Variants in RPRD2 observed in about 807,000 individuals in gnomAD.
RPRD2 encodes the protein regulation of nuclear pre-mRNA domain containing 2.
RPRD2 carries 12 observed loss-of-function variants against 104.4 expected under a neutral mutation model. That is an observed-to-expected ratio of 0.11 (90% confidence interval 0.07 to 0.19). The LOEUF (loss-of-function observed/expected upper bound fraction) is 0.19, where lower values mean the gene tolerates loss of function less well. RPRD2 is among the 10% of genes least tolerant of loss of function. The pLI, the probability that RPRD2 is intolerant of heterozygous loss-of-function variation, is 1.00. For missense variants in RPRD2, 1,543 were observed against 1,790.1 expected (o/e 0.86, Z 2.49); for synonymous variants, 714 against 684.9 (o/e 1.04, Z -0.66).
At chr1:150,398,036 G>A (rs1553884540) in intron 1 of RPRD2, among the ~76,000 whole-genome samples, 1 of 151,956 alleles carries the variant, frequency 6.6e-6, no homozygotes, top group Admixed American at 6.6e-5. Flanking sequence ...TGCCCAGGCT[G>A]GAGTGCAGTG....
intron 2 of RPRD2, among the ~76,000 whole-genome samples, chr1:150,439,627 C>CT (rs66814229): frequency 0.28 from 39,524 of 142,146 alleles, 6,734 homozygotes; most frequent in African/African-American, 0.47. Flanking sequence ...TTTGACATAG[C>CT]TTTTTTTTTT....
intron 1 of RPRD2, among the ~76,000 whole-genome samples, chr1:150,402,770 C>T (rs1444189969): frequency 6.6e-6 from 1 of 152,082 alleles, no homozygotes; most frequent in Non-Finnish European, 1.5e-5. Context: ...AGTTCGATAC[C>T]AGCCTGACCA....
Position 150,460,466 on chromosome 1 carries a change from C to T in RPRD2, c.1411+149C>T, listed in dbSNP as rs782030046. On this transcript the variant is annotated intron_variant, in intron 9 of 10. Coordinates refer to ENST00000369068, the MANE Select transcript of RPRD2 (RefSeq NM_015203.5). ...TCTCCCAGGCAGGAGTGCAGTGGTG[C>T]AATCTTGGCTCACTGCAACCTCTGC... The T allele has an allele frequency of 2.3e-5, 19 of 809,540 alleles. No individual in the cohort carries two copies. The East Asian group carries it at 3.3e-4, about 14-fold the overall frequency. 50.1% of individuals were successfully genotyped at this position (809,540 alleles called of 1,614,324 possible).
chr1:150,464,850 CTTT>C (rs1668163348), intron 10 of RPRD2, 123 bp downstream of exon 10: 1 of 479,584 alleles, frequency 2.1e-6, no homozygotes, highest in Non-Finnish European at 3.3e-6. Flanking sequence ...ATTCATTATT[CTTT>C]TTATTTATTT....
intron 1 of RPRD2, among the ~76,000 whole-genome samples, chr1:150,376,646 G>C (rs904009402): frequency 6.6e-6 from 1 of 151,648 alleles, no homozygotes; most frequent in Non-Finnish European, 1.5e-5. Context: ...GACTACAGGC[G>C]CCCGCCACCA....
rs149662128 is a variant in RPRD2 at position 150,411,007 on chromosome 1, T to C, written c.206-6589T>C. ...CCTCTGAGTAACAGGACTACAGTTA[T>C]GCAATTACGCCTGGCTAACTTAAAA... On this transcript the variant is annotated intron_variant, in intron 1 of 10. Transcript: ENST00000369068. 4.6e-3 allele frequency among the ~76,000 whole-genome samples: 700 copies of C among 152,312 alleles called. 4 individuals carry two copies. The highest frequency in any genetic ancestry group is 0.016 in the African/African-American group (659 of 41,568).
rs976616211 is a variant in RPRD2 at position 150,475,207 on chromosome 1, T to C, written c.*1873T>C. The stretch of plus-strand genomic sequence containing the variant: ...CAAAGAAAAGAAAGTATAGTTATAT[T>C]GAGTCCTAAGACATTTGTTAGGGAA... On this transcript the variant is annotated 3_prime_UTR_variant, in exon 11 of 11. Coordinates refer to ENST00000369068, the MANE Select transcript of RPRD2 (RefSeq NM_015203.5). The C allele has an allele frequency of 1.3e-5, 2 of 152,110 alleles. No individual in the cohort carries two copies. The highest frequency in any genetic ancestry group is 2.9e-5 in the Non-Finnish European group (2 of 68,012). The allele number at this position is 152,110 out of a possible 1,614,324, so 9.4% of individuals were successfully genotyped here. A position where few individuals can be genotyped will look rare whatever the true frequency, so the allele number is the denominator to read the frequency against.
Position 150,426,817 on chromosome 1 carries a change from G to A in RPRD2, c.335+9092G>A, listed in dbSNP as rs375724916. 1.4e-4 allele frequency among the ~76,000 whole-genome samples: 22 copies of A among 152,218 alleles called. No homozygotes were observed. In the East Asian group the frequency reaches 2.5e-3, roughly 17 times the overall value. ...GATGGTGGTGATGGTTGCACAATAC[G>A]AATGTACTTAATGCCATTTAATTGT... On this transcript the variant is annotated intron_variant, in intron 2 of 10. Coordinates refer to ENST00000369068, the MANE Select transcript of RPRD2 (RefSeq NM_015203.5).
At chr1:150,448,361 G>T (rs1264714001) in intron 7 of RPRD2, among the ~76,000 whole-genome samples, 2 of 152,032 alleles carry the variant, frequency 1.3e-5, no homozygotes, top group Non-Finnish European at 2.9e-5. Flanking sequence ...TAGAGACAGG[G>T]TTTCACCATG....
intron 1 of RPRD2, among the ~76,000 whole-genome samples, chr1:150,412,228 T>C (rs1273181175): frequency 1.3e-5 from 2 of 152,218 alleles, no homozygotes; most frequent in African/African-American, 4.8e-5. Context: ...AATGCTATAG[T>C]AGGTAAAAGT....
At chr1:150,437,624 A>G (rs1285377093) in intron 2 of RPRD2, among the ~76,000 whole-genome samples, 2 of 152,094 alleles carry the variant, frequency 1.3e-5, no homozygotes, top group Non-Finnish European at 2.9e-5. Flanking sequence ...CTGTCACTCA[A>G]GCTGGAGTGC....
rs145486353 is a variant in RPRD2, at chr1:150,471,262, C to T, written c.2314C>T (p.Pro772Ser). 2.7e-3 allele frequency: 4,357 copies of T among 1,613,750 alleles called. 10 individuals are homozygous for T. Among genetic ancestry groups the T allele is most frequent in the Non-Finnish European group, 3.4e-3 (3,953 of 1,179,834 alleles). Residue 772 changes from proline to serine, a missense_variant, in exon 11 of 11, where the codon CCT becomes TCT. This residue lies in a region of RPRD2 where 880 missense variants were observed against 885.6 expected (regional missense o/e 0.99). Transcript: ENST00000369068. This position sits in a 1 kb window ranked among gnomAD's most constrained non-coding sequence, Gnocchi z 5.3. ...STPSSTRSPP[P>S]GRDESYPREL... is the part of the protein sequence containing the mutation. The stretch of plus-strand genomic sequence containing the variant: ...ACCCAGCAGTACAAGATCACCACCC[C>T]CTGGGAGAGATGAAAGCTACCCCCG...
chr1:150,442,215 T>A (rs1322344852), intron 4 of RPRD2, among the ~76,000 whole-genome samples: 1 of 150,790 alleles, frequency 6.6e-6, no homozygotes, highest in Non-Finnish European at 1.5e-5. Flanking sequence ...TCAAGAGTAG[T>A]TGGGGGATTG....
intron 2 of RPRD2, among the ~76,000 whole-genome samples, chr1:150,439,214 A>G (rs1313131340): frequency 2.6e-5 from 4 of 152,220 alleles, no homozygotes. Context: ...GAGATTTACA[A>G]GATAACAATT....
intron 1 of RPRD2, among the ~76,000 whole-genome samples, chr1:150,400,954 A>C (rs1341207150): frequency 6.6e-6 from 1 of 151,842 alleles, no homozygotes; most frequent in Admixed American, 6.6e-5. Context: ...AGGTGGGTGG[A>C]TCACGAGGTC....
chr1:150,365,390 T>G (rs1659756787), intron 1 of RPRD2, among the ~76,000 whole-genome samples: 1 of 152,066 alleles, frequency 6.6e-6, no homozygotes, highest in Non-Finnish European at 1.5e-5. Context: ...ATCTAAAACT[T>G]GTGATGTGTA....
intron 1 of RPRD2, among the ~76,000 whole-genome samples, chr1:150,369,516 G>T (rs1660121044): frequency 1.4e-5 from 2 of 140,474 alleles, no homozygotes; most frequent in Admixed American, 7.5e-5. Flanking sequence ...GAGTGCAGTG[G>T]CGCGATCTCG....
intron 1 of RPRD2, among the ~76,000 whole-genome samples, chr1:150,387,566 CCTTTTTT>C (rs1402302719): frequency 0.014 from 968 of 70,090 alleles, 123 homozygotes; most frequent in Middle Eastern, 0.037. Flanking sequence ...TTGCAACAGA[CCTTTTTT>C]TTTTTTTTTT....
At chr1:150,365,952 T>TG (rs1395392449) in intron 1 of RPRD2, among the ~76,000 whole-genome samples, 2 of 152,232 alleles carry the variant, frequency 1.3e-5, no homozygotes, top group Non-Finnish European at 2.9e-5. Context: ...TCATGGGTAA[T>TG]GTGCACAGGA....
Sources: allele counts gnomAD v4.1 joint callset (sites outside exome capture counted in the v4.1 genomes callset), GRCh38; gene constraint gnomAD v4.1.1; regional missense constraint gnomAD v4.1.1; non-coding constraint Gnocchi (gnomAD v3.1); transcripts MANE v1.5; gene names NCBI Gene and HGNC (gene_info 2026-07-23, HGNC 2026-07-21).